NLGN1: variants seen among roughly 807,000 people sequenced by gnomAD.
NLGN1 encodes the protein neuroligin-1.
NLGN1 carries 12 observed loss-of-function variants against 65.5 expected under a neutral mutation model. The ratio of observed to expected loss-of-function variants is 0.18; its 90% CI spans 0.12 to 0.30. The LOEUF (loss-of-function observed/expected upper bound fraction) is 0.30. Among genes scored for constraint, NLGN1 ranks in the 10% least tolerant of loss-of-function variants. NLGN1 has a pLI of 1.00. For synonymous variants in NLGN1, 350 were observed against 359.5 expected, an observed-to-expected ratio of 0.97 and a Z score of 0.30; for missense variants, 750 against 1,007.1, an observed-to-expected ratio of 0.74 and a Z score of 3.46.
chr3:173,979,101 C>G (rs994197241), intron 4 of NLGN1, among the ~76,000 whole-genome samples: 1 of 151,768 alleles, frequency 6.6e-6, no homozygotes, highest in African/African-American at 2.4e-5. Context: ...CACTGATACA[C>G]TAAGGACAAA....
chr3:173,769,240 C>T (rs1419192421), intron 3 of NLGN1, among the ~76,000 whole-genome samples: 1 of 152,148 alleles, frequency 6.6e-6, no homozygotes, highest in Non-Finnish European at 1.5e-5. Context: ...AACTCCTCTG[C>T]CAAAAATTTT....
Position 174,043,304 on chromosome 3 carries a change from T to A in NLGN1, c.647-232011T>A, listed in dbSNP as rs998709331. Among the ~76,000 whole-genome samples the A allele has an allele frequency of 3.3e-5, 5 of 152,168 alleles. No homozygotes were observed. The South Asian group carries it at 1.0e-3, about 32-fold the overall frequency. The stretch of plus-strand genomic sequence containing the variant: ...GTCCTCACATTTTAAAACACAATCA[T>A]GCACTTCCAACAGTCCCTCAAAGTA... On this transcript the variant is annotated intron_variant, in intron 4 of 6. Transcript: ENST00000457714.
intron 4 of NLGN1, among the ~76,000 whole-genome samples, chr3:173,879,455 G>A (rs141536822): frequency 1.4e-4 from 21 of 152,174 alleles, no homozygotes; most frequent in Non-Finnish European, 2.9e-4. Context: ...TTTTAAAATA[G>A]TTTCTATATC....
chr3:173,667,767 C>T (rs1432746698), intron 3 of NLGN1, among the ~76,000 whole-genome samples: 2 of 151,976 alleles, frequency 1.3e-5, no homozygotes, highest in African/African-American at 2.4e-5. Flanking sequence ...TTAGCTGGGA[C>T]TACAGGTGTG....
intron 4 of NLGN1, among the ~76,000 whole-genome samples, chr3:174,079,125 T>C (rs1741614085): frequency 6.6e-6 from 1 of 152,150 alleles, no homozygotes; most frequent in African/African-American, 2.4e-5. Context: ...GAAATTATTT[T>C]TGTAAATTAT....
At chr3:173,929,996 G>A (rs1481213392) in intron 4 of NLGN1, among the ~76,000 whole-genome samples, 5 of 152,248 alleles carry the variant, frequency 3.3e-5, no homozygotes, top group South Asian at 2.1e-4. Flanking sequence ...AAGCCACCAC[G>A]CCTGGCCAAG....
At chr3:173,408,582 T>C (rs1711780341) in intron 1 of NLGN1, among the ~76,000 whole-genome samples, 1 of 152,152 alleles carries the variant, frequency 6.6e-6, no homozygotes. Flanking sequence ...ATGTTTTCTA[T>C]AGAACTGCGT....
intron 4 of NLGN1, among the ~76,000 whole-genome samples, chr3:173,976,705 A>G (rs372884806): frequency 2.0e-5 from 3 of 152,230 alleles, no homozygotes; most frequent in South Asian, 2.1e-4. Flanking sequence ...CTACAAGCCA[A>G]TGATTCTTTC....
chr3:174,206,902 G>C (rs1381269726), intron 4 of NLGN1, among the ~76,000 whole-genome samples: 5 of 152,088 alleles, frequency 3.3e-5, no homozygotes, highest in Admixed American at 3.3e-4. Flanking sequence ...AGCCTCTTGG[G>C]TTCAAGAGTA....
chr3:173,398,942 A>C (rs1717136301), intron 1 of NLGN1, among the ~76,000 whole-genome samples: 1 of 152,224 alleles, frequency 6.6e-6, no homozygotes, highest in South Asian at 2.1e-4. Flanking sequence ...TGTCACTGAG[A>C]AAGGGTATGT....
intron 4 of NLGN1, among the ~76,000 whole-genome samples, chr3:174,082,886 A>G (rs147180655): frequency 3.5e-4 from 53 of 151,968 alleles, no homozygotes; most frequent in African/African-American, 1.2e-3. Flanking sequence ...ACGCCCGGCT[A>G]ATTTTTTTGT....
intron 1 of NLGN1, among the ~76,000 whole-genome samples, chr3:173,406,600 A>G (rs1718741999): frequency 6.7e-6 from 1 of 149,612 alleles, no homozygotes; most frequent in African/African-American, 2.5e-5. Flanking sequence ...ATATATATAT[A>G]TAAATCAAAG....
chr3:173,924,622 C>CAA (rs538515565), intron 4 of NLGN1, among the ~76,000 whole-genome samples: 64 of 128,744 alleles, frequency 5.0e-4, no homozygotes, highest in African/African-American at 1.7e-3. Flanking sequence ...AACCCTGTCT[C>CAA]AAAAAAAAAA....
chr3:173,710,820 A>G (rs1287005941), intron 3 of NLGN1, among the ~76,000 whole-genome samples: 1 of 152,200 alleles, frequency 6.6e-6, no homozygotes, highest in Non-Finnish European at 1.5e-5. Context: ...GTCAAGTACC[A>G]TGCGAGAGTA....
In NLGN1 at chr3:173,412,506, CT is replaced by C. The variant is rs34980329; in HGVS notation, c.-390+14029del. Among the ~76,000 whole-genome samples, 1,421 of 146,688 alleles carry C rather than the reference CT, an allele frequency of 9.7e-3. 7 individuals carry two copies. The highest frequency in any genetic ancestry group is 0.016 in the Non-Finnish European group (1,027 of 66,192). On this transcript the variant is annotated intron_variant, in intron 1 of 6. Transcript: ENST00000457714. ...TATTTATCTTTATTAGCACACTGACCTTTTTTTTTTAATGAGGAAATAGTCA... is the reference window on the plus strand; with the variant it reads ...TATTTATCTTTATTAGCACACTGACCTTTTTTTTTAATGAGGAAATAGTCA...
intron 4 of NLGN1, among the ~76,000 whole-genome samples, chr3:173,879,794 T>C (rs982517682): frequency 6.6e-6 from 1 of 152,192 alleles, no homozygotes; most frequent in African/African-American, 2.4e-5. Flanking sequence ...CAGATAGTTT[T>C]GCATGTTTTC....
At chr3:173,809,821 C>T (rs1431493049) in intron 4 of NLGN1, among the ~76,000 whole-genome samples, 1 of 152,134 alleles carries the variant, frequency 6.6e-6, no homozygotes. Flanking sequence ...GATTAACTCG[C>T]TAAAATATAA....
At chr3:174,146,135 TCC>T (rs1723211741) in intron 4 of NLGN1, among the ~76,000 whole-genome samples, 1 of 139,650 alleles carries the variant, frequency 7.2e-6, no homozygotes, top group Non-Finnish European at 1.5e-5. Flanking sequence ...CTTCCTTCCT[TCC>T]TTCCTTCCTT....
intron 3 of NLGN1, among the ~76,000 whole-genome samples, chr3:173,702,354 T>C (rs1236489005): frequency 1.3e-5 from 2 of 152,162 alleles, no homozygotes; most frequent in Non-Finnish European, 2.9e-5. Context: ...AATTTATGTA[T>C]GTCCTGCTAA....
Sources: gnomAD v4.1 joint callset for allele counts (sites outside exome capture counted in the v4.1 genomes callset) on GRCh38, gnomAD v4.1.1 for gene constraint, MANE v1.5 for transcripts, NCBI Gene and HGNC (gene_info 2026-07-23, HGNC 2026-07-21) for gene names.